The following GAREM1 variants were observed in gnomAD, a reference collection of about 807,000 sequenced individuals.
The protein encoded by GAREM1 is GRB2 associated regulator of MAPK1 subtype 1.
In GAREM1, 26 loss-of-function variants were observed where a neutral mutation model predicts 71.3. The ratio of observed to expected loss-of-function variants is 0.36; its 90% CI spans 0.27 to 0.51. The LOEUF (loss-of-function observed/expected upper bound fraction) is 0.51. Among genes scored for constraint, GAREM1 ranks in the 20% least tolerant of loss-of-function variants. GAREM1 has a pLI of 0.95. For synonymous variants in GAREM1, 440 were observed against 433.2 expected (o/e 1.02, Z -0.20); for missense variants, 1,026 against 1,103.1 (o/e 0.93, Z 0.99).
At chr18:32,332,987 A>AT (rs200609234) in intron 2 of GAREM1, among the ~76,000 whole-genome samples, 14,672 of 147,734 alleles carry the variant, frequency 0.099, 843 homozygotes, top group African/African-American at 0.16. Context: ...TTAGGGGAGA[A>AT]TTTTTTTTTT....
At chr18:32,435,827 G>C (rs574567015) in intron 1 of GAREM1, among the ~76,000 whole-genome samples, 61 of 152,286 alleles carry the variant, frequency 4.0e-4, no homozygotes, top group Non-Finnish European at 6.5e-4. Flanking sequence ...AATTCCTAGA[G>C]TGTGCCAGGC....
At chr18:32,379,966 C>T in intron 2 of GAREM1, among the ~76,000 whole-genome samples, 1 of 151,972 alleles carries the variant, frequency 6.6e-6, no homozygotes, top group East Asian at 1.9e-4. Flanking sequence ...ACAGATACAC[C>T]CTTTTTTAAA....
intron 2 of GAREM1, among the ~76,000 whole-genome samples, chr18:32,365,588 T>C (rs1055029320): frequency 1.3e-5 from 2 of 152,096 alleles, no homozygotes; most frequent in African/African-American, 4.8e-5. Flanking sequence ...TGGCCAAAAC[T>C]CCATGGATGG....
chr18:32,278,787 G>T, intron 4 of GAREM1, among the ~76,000 whole-genome samples: 2 of 152,268 alleles, frequency 1.3e-5, no homozygotes, highest in Middle Eastern at 3.4e-3. Flanking sequence ...TAATGACAAA[G>T]TACAATAAAT....
At chr18:32,439,079 G>A (rs2048709888) in intron 1 of GAREM1, among the ~76,000 whole-genome samples, 1 of 152,080 alleles carries the variant, frequency 6.6e-6, no homozygotes, top group African/African-American at 2.4e-5. Context: ...AGGTGTCACT[G>A]CCTTTATTGA....
intron 2 of GAREM1, among the ~76,000 whole-genome samples, chr18:32,360,150 G>A (rs1184232678): frequency 6.6e-6 from 1 of 151,140 alleles, no homozygotes; most frequent in Non-Finnish European, 1.5e-5. Context: ...CTCCCCTTCA[G>A]CCATCCAATC....
chr18:32,342,747 T>C (rs1281264035), intron 2 of GAREM1, among the ~76,000 whole-genome samples: 1 of 152,184 alleles, frequency 6.6e-6, no homozygotes, highest in Non-Finnish European at 1.5e-5. Context: ...TTGAATACTA[T>C]ACACATCCAA....
chr18:32,309,138 T>C (rs1311474824), intron 3 of GAREM1, among the ~76,000 whole-genome samples: 1 of 150,188 alleles, frequency 6.7e-6, no homozygotes, highest in East Asian at 1.9e-4. Flanking sequence ...ACCCCTTCAA[T>C]GTGAACACTT....
At chr18:32,299,154 C>G (rs2047172743) in intron 3 of GAREM1, among the ~76,000 whole-genome samples, 2 of 151,268 alleles carry the variant, frequency 1.3e-5, no homozygotes, top group Non-Finnish European at 2.9e-5. Flanking sequence ...GAATGGATCT[C>G]GAAAATAAAT....
At chr18:32,408,184 G>A (rs2048383482) in intron 1 of GAREM1, among the ~76,000 whole-genome samples, 1 of 151,992 alleles carries the variant, frequency 6.6e-6, no homozygotes, top group African/African-American at 2.4e-5. Flanking sequence ...ATTTCTGATT[G>A]TAGAGGCTGT....
intron 1 of GAREM1, among the ~76,000 whole-genome samples, chr18:32,410,660 C>A (rs147614209): frequency 6.6e-6 from 1 of 152,234 alleles, no homozygotes; most frequent in East Asian, 1.9e-4. Context: ...CAAATAACTT[C>A]TTGAGCCTCA....
intron 2 of GAREM1, among the ~76,000 whole-genome samples, chr18:32,323,670 C>T (rs2047450299): frequency 1.3e-5 from 2 of 152,148 alleles, no homozygotes; most frequent in Admixed American, 6.5e-5. Context: ...AATTGCGCCA[C>T]TGCACTCCAG....
rs1458942149 is a variant in GAREM1 at position 32,267,697 on chromosome 18, A to G, written c.*174T>C. The G allele has an allele frequency of 8.5e-6, 5 of 585,994 alleles. No individual in the cohort carries two copies. Among genetic ancestry groups the G allele is most frequent in the African/African-American group, 1.9e-5 (1 of 53,660 alleles). 36.3% of individuals were successfully genotyped at this position (585,994 alleles called of 1,614,324 possible). On this transcript the variant is annotated 3_prime_UTR_variant, in exon 6 of 6. Coordinates refer to ENST00000269209, the MANE Select transcript of GAREM1 (RefSeq NM_001242409.2). The stretch of plus-strand genomic sequence containing the variant: ...AGTGTTCTGTACAGCATTTTTATTG[A>G]TGTACAAAATAGCCTGTTCACCATT...
intron 4 of GAREM1, among the ~76,000 whole-genome samples, chr18:32,274,776 A>C (rs964072618): frequency 1.3e-5 from 2 of 151,268 alleles, no homozygotes; most frequent in Non-Finnish European, 2.9e-5. Flanking sequence ...CACATTACAC[A>C]CTCTGTGTGC....
At chr18:32,329,537 CT>C (rs1001600378) in intron 2 of GAREM1, among the ~76,000 whole-genome samples, 4 of 151,674 alleles carry the variant, frequency 2.6e-5, no homozygotes, top group Admixed American at 2.6e-4. Flanking sequence ...GACACCCTGT[CT>C]CTACCAAAAA....
chr18:32,326,849 C>T (rs932885503), intron 2 of GAREM1, among the ~76,000 whole-genome samples: 3 of 152,116 alleles, frequency 2.0e-5, no homozygotes, highest in Admixed American at 1.3e-4. Context: ...AAACAGGCTG[C>T]GGTGCAAGGG....
intron 1 of GAREM1, among the ~76,000 whole-genome samples, chr18:32,439,645 CTTTT>C (rs34313807): frequency 6.8e-6 from 1 of 146,234 alleles, no homozygotes; most frequent in South Asian, 2.2e-4. Context: ...ACCAAATGAG[CTTTT>C]TTTTTTTTTC....
intron 2 of GAREM1, among the ~76,000 whole-genome samples, chr18:32,335,298 C>A (rs686196): frequency 0.32 from 48,407 of 152,020 alleles, 8,934 homozygotes; most frequent in African/African-American, 0.51. Context: ...ATGTAATTCA[C>A]CCTCCTCTTT....
chr18:32,383,463 T>C (rs2048115752), intron 2 of GAREM1, among the ~76,000 whole-genome samples: 1 of 152,188 alleles, frequency 6.6e-6, no homozygotes, highest in Non-Finnish European at 1.5e-5. Flanking sequence ...ACCCATGAAG[T>C]CTGTTTTCCA....
Sources: allele counts gnomAD v4.1 joint callset (sites outside exome capture counted in the v4.1 genomes callset), GRCh38; gene constraint gnomAD v4.1.1; transcripts MANE v1.5; gene names NCBI Gene and HGNC (gene_info 2026-07-23, HGNC 2026-07-21).